The following TOGARAM2 variants were observed in gnomAD, a reference collection of about 807,000 sequenced individuals.
TOGARAM2 encodes the protein TOG array regulator of axonemal microtubules 2.
TOGARAM2 carries 85 observed loss-of-function variants against 93.3 expected under a neutral mutation model. That is an observed-to-expected ratio of 0.91 (90% CI 0.76 to 1.09). TOGARAM2 has a LOEUF of 1.09. TOGARAM2 is among the 50% of genes least tolerant of loss of function. The pLI, the probability that TOGARAM2 is intolerant of heterozygous loss-of-function variation, is 0.00. For synonymous variants in TOGARAM2, 593 were observed against 552.8 expected, an observed-to-expected ratio of 1.07 and a Z score of -1.02; for missense variants, 1,277 against 1,334.5, an observed-to-expected ratio of 0.96 and a Z score of 0.67.
chr2:29,023,531 C>T (rs181186061), intron 12 of TOGARAM2, among the ~76,000 whole-genome samples: 30 of 152,306 alleles, frequency 2.0e-4, no homozygotes, highest in African/African-American at 7.2e-4. Context: ...TTTCCCAAAG[C>T]GTTTCTTTCA....
intron 10 of TOGARAM2, among the ~76,000 whole-genome samples, chr2:29,019,620 G>A (rs971393996): frequency 6.6e-6 from 1 of 152,258 alleles, no homozygotes; most frequent in African/African-American, 2.4e-5. Context: ...ATAGTCTGTT[G>A]TCCCTCTTTA....
intron 1 of TOGARAM2, among the ~76,000 whole-genome samples, chr2:28,992,347 GC>G (rs1157562150): frequency 2.6e-5 from 4 of 152,152 alleles, no homozygotes; most frequent in African/African-American, 9.7e-5. Context: ...AGACCCTGGG[GC>G]CTGAAGGGTC....
intron 2 of TOGARAM2, among the ~76,000 whole-genome samples, chr2:28,995,842 C>T (rs1038896946): frequency 4.6e-5 from 7 of 152,204 alleles, no homozygotes; most frequent in African/African-American, 9.6e-5. Context: ...TTTCCACCTG[C>T]GTGGTGGCTT....
chr2:28,965,913 A>G (rs1671859527), intron 1 of TOGARAM2, among the ~76,000 whole-genome samples: 1 of 152,134 alleles, frequency 6.6e-6, no homozygotes, highest in Admixed American at 6.5e-5. Context: ...CCTGTAGTCC[A>G]GTGTCTGAAA....
chr2:28,986,569 C>G (rs537349926), intron 1 of TOGARAM2, among the ~76,000 whole-genome samples: 74 of 152,336 alleles, frequency 4.9e-4, no homozygotes, highest in African/African-American at 1.7e-3. Context: ...CAACGTGCTA[C>G]TTGACCCCTG....
At chr2:29,037,751 C>T (rs1666205705) in intron 18 of TOGARAM2, among the ~76,000 whole-genome samples, 1 of 152,206 alleles carries the variant, frequency 6.6e-6, no homozygotes, top group African/African-American at 2.4e-5. Context: ...CTCTTCATCT[C>T]AGAGGGAATT....
At position 29,033,674 on chromosome 2, in the gene TOGARAM2, C is replaced by T. The variant is rs1254194607; in HGVS notation, c.2225+111C>T. On this transcript the variant is annotated intron_variant, in intron 16 of 19. Transcript: ENST00000379558. The stretch of plus-strand genomic sequence containing the variant: ...GGGTGGACATATGGATCTGGGGTAT[C>T]GCTGAGACCTAGTTGGGGCTGCAAT... 51 of 913,694 alleles carry T rather than the reference C, an allele frequency of 5.6e-5. No individual in the cohort carries two copies. The South Asian group carries it at 7.3e-4, about 13-fold the overall frequency. 56.6% of individuals were successfully genotyped at this position (913,694 alleles called of 1,614,324 possible).
chr2:28,971,227 T>TA (rs1671943723), intron 1 of TOGARAM2: 1 of 152,232 alleles, frequency 6.6e-6, no homozygotes, highest in African/African-American at 2.4e-5. Flanking sequence ...CTTTTTTTTT[T>TA]ATGAGTCAGG....
intron 19 of TOGARAM2, 29 bp downstream of exon 19, chr2:29,045,439 AT>A: frequency 8.5e-7 from 1 of 1,174,742 alleles, no homozygotes; most frequent in Non-Finnish European, 1.2e-6. Context: ...ACCCCACCCC[AT>A]CTCCTGGCAG....
At chr2:28,987,906 CG>C (rs1672541427) in intron 1 of TOGARAM2, among the ~76,000 whole-genome samples, 1 of 152,200 alleles carries the variant, frequency 6.6e-6, no homozygotes, top group South Asian at 2.1e-4. Flanking sequence ...GCCTGAGTGG[CG>C]GGGGGCCTTG....
At chr2:29,009,803 C>T (rs973296835) in intron 6 of TOGARAM2, among the ~76,000 whole-genome samples, 2 of 152,016 alleles carry the variant, frequency 1.3e-5, no homozygotes, top group Non-Finnish European at 1.5e-5. Flanking sequence ...TTGGGGCCTG[C>T]GGAGGAGCCT....
chr2:29,002,952 A>G (rs1431937358), intron 5 of TOGARAM2, among the ~76,000 whole-genome samples: 1 of 152,148 alleles, frequency 6.6e-6, no homozygotes, highest in Non-Finnish European at 1.5e-5. Context: ...TCAAACCTCC[A>G]TAGCTGGCCT....
chr2:29,025,496 T>C (rs1665294795), intron 13 of TOGARAM2, among the ~76,000 whole-genome samples: 1 of 152,022 alleles, frequency 6.6e-6, no homozygotes, highest in African/African-American at 2.4e-5. Flanking sequence ...GGATAAAAGG[T>C]GCTGGCATGG....
chr2:28,968,443 G>T (rs1037815877), intron 1 of TOGARAM2, among the ~76,000 whole-genome samples: 2 of 151,236 alleles, frequency 1.3e-5, no homozygotes, highest in Non-Finnish European at 2.9e-5. Context: ...TCCACTCCCC[G>T]CAGCGGAGGT....
intron 1 of TOGARAM2, among the ~76,000 whole-genome samples, chr2:28,972,711 A>G (rs369168940): frequency 2.8e-4 from 43 of 152,296 alleles, no homozygotes; most frequent in Middle Eastern, 6.8e-3. Context: ...CACAGCTGGA[A>G]TAGAACGTAG....
intron 18 of TOGARAM2, among the ~76,000 whole-genome samples, chr2:29,044,838 C>G (rs1237486006): frequency 6.6e-6 from 1 of 152,062 alleles, no homozygotes; most frequent in Non-Finnish European, 1.5e-5. Flanking sequence ...AATTTTAATC[C>G]TAACCCTTCA....
At chr2:29,032,874 A>G (rs1376856233) in intron 14 of TOGARAM2, 60 bp from the exon 15 acceptor site, 1 of 1,427,014 alleles carries the variant, frequency 7.0e-7, no homozygotes, top group Non-Finnish European at 9.7e-7. Flanking sequence ...AAAGCTGTAA[A>G]GCAAATTTAT....
chr2:29,043,737 G>T (rs1259458375), intron 18 of TOGARAM2, among the ~76,000 whole-genome samples: 1 of 152,230 alleles, frequency 6.6e-6, no homozygotes, highest in African/African-American at 2.4e-5. Context: ...TGGTTTCTCT[G>T]CAGTCCACAA....
intron 2 of TOGARAM2, among the ~76,000 whole-genome samples, chr2:28,995,094 C>T (rs1672927795): frequency 6.6e-6 from 1 of 152,224 alleles, no homozygotes; most frequent in Admixed American, 6.5e-5. Flanking sequence ...AGGGCCTTGG[C>T]CTGAGCTTTA....
Sources: gnomAD v4.1 joint callset for allele counts (sites outside exome capture counted in the v4.1 genomes callset) on GRCh38, gnomAD v4.1.1 for gene constraint, MANE v1.5 for transcripts, NCBI Gene and HGNC (gene_info 2026-07-23, HGNC 2026-07-21) for gene names.